The following FRZB variants were observed in gnomAD, a reference collection of about 807,000 sequenced individuals.
The protein encoded by FRZB is secreted frizzled-related protein 3.
A neutral mutation model predicts 32.5 loss-of-function variants in FRZB; 34 were observed. That is an observed-to-expected ratio of 1.05 (90% CI 0.80 to 1.39). The LOEUF (loss-of-function observed/expected upper bound fraction) is 1.39, where lower values mean the gene tolerates loss of function less well. Among genes scored for constraint, FRZB ranks in the 40% most tolerant of loss-of-function variants. The probability of loss-of-function intolerance (pLI) is 0.00; values close to 1 mark genes in which losing one functional copy is unlikely to be tolerated. For missense variants in FRZB, 423 were observed against 424.8 expected, an observed-to-expected ratio of 1.00 and a Z score of 0.04; for synonymous variants, 170 against 159.2, an observed-to-expected ratio of 1.07 and a Z score of -0.51.
chr2:182,844,525 A>G (rs775977048), intron 2 of FRZB, among the ~76,000 whole-genome samples: 6 of 152,208 alleles, frequency 3.9e-5, no homozygotes, highest in Non-Finnish European at 5.9e-5. Context: ...TTAAAAATAA[A>G]TATCTATCAA....
At chr2:182,841,896 A>G (rs1484041465) in intron 3 of FRZB, among the ~76,000 whole-genome samples, 1 of 152,192 alleles carries the variant, frequency 6.6e-6, no homozygotes, top group African/African-American at 2.4e-5. Context: ...TAAGTTTGTC[A>G]GCTACATTTG....
intron 1 of FRZB, among the ~76,000 whole-genome samples, chr2:182,864,156 C>T (rs988785963): frequency 2.6e-5 from 4 of 152,198 alleles, no homozygotes; most frequent in African/African-American, 9.7e-5. Context: ...ATGTTTGTTC[C>T]ACAGTGATTG....
chr2:182,840,264 C>T (rs1180244487), intron 3 of FRZB, among the ~76,000 whole-genome samples: 1 of 152,076 alleles, frequency 6.6e-6, no homozygotes, highest in African/African-American at 2.4e-5. Flanking sequence ...AAATTCACAA[C>T]CCCAGCTAGC....
intron 5 of FRZB, 94 bp from the exon 6 acceptor site, chr2:182,835,059 A>C (rs1401732398): frequency 9.8e-5 from 86 of 879,284 alleles, no homozygotes; most frequent in Non-Finnish European, 5.6e-6. Context: ...GCAAGTTCAG[A>C]TCTCTGAAGC....
At chr2:182,846,638 CT>C (rs2105756262) in intron 2 of FRZB, among the ~76,000 whole-genome samples, 1 of 152,280 alleles carries the variant, frequency 6.6e-6, no homozygotes, top group African/African-American at 2.4e-5. Flanking sequence ...CATTTGACCC[CT>C]GAATCCCAAT....
intron 2 of FRZB, among the ~76,000 whole-genome samples, chr2:182,851,135 C>T (rs1695705475): frequency 6.6e-6 from 1 of 152,112 alleles, no homozygotes; most frequent in Non-Finnish European, 1.5e-5. Context: ...AAGCTCTTGC[C>T]AGATACTTTG....
At chr2:182,856,559 C>T (rs1049683040) in intron 2 of FRZB, among the ~76,000 whole-genome samples, 1 of 151,918 alleles carries the variant, frequency 6.6e-6, no homozygotes, top group Admixed American at 6.6e-5. Flanking sequence ...AAAGACCCAA[C>T]TATATGATGT....
rs534510716 is a variant in FRZB at position 182,859,188 on chromosome 2, CA to C, written c.479-356del. Among the ~76,000 whole-genome samples, 534 of 147,062 alleles carry C rather than the reference CA, an allele frequency of 3.6e-3. 4 individuals carry two copies. Among genetic ancestry groups the C allele is most frequent in the African/African-American group, 0.012 (489 of 40,284 alleles). ...TCATCCAACACTTATGACTTGATGA[CA>C]AAAAAAAAACCAAACGCATCTTCAA... On this transcript the variant is annotated intron_variant, in intron 1 of 5. Transcript: ENST00000295113.
intron 2 of FRZB, among the ~76,000 whole-genome samples, chr2:182,856,395 T>C (rs1169109823): frequency 6.6e-6 from 1 of 151,284 alleles, no homozygotes; most frequent in African/African-American, 2.4e-5. Flanking sequence ...AGAGATACAA[T>C]CCAAAAGAAA....
At chr2:182,837,316 A>G (rs955341000) in intron 5 of FRZB, among the ~76,000 whole-genome samples, 1 of 152,028 alleles carries the variant, frequency 6.6e-6, no homozygotes, top group African/African-American at 2.4e-5. Context: ...TCTCTTCTAT[A>G]CAGATGAATG....
At chr2:182,836,917 A>G (rs562380053) in intron 5 of FRZB, among the ~76,000 whole-genome samples, 2 of 152,114 alleles carry the variant, frequency 1.3e-5, no homozygotes, top group South Asian at 4.1e-4. Flanking sequence ...TGCCCTCTAC[A>G]TTTTTGTAGG....
intron 3 of FRZB, among the ~76,000 whole-genome samples, chr2:182,839,855 T>C (rs3768842): frequency 0.24 from 36,516 of 151,960 alleles, 5,002 homozygotes; most frequent in East Asian, 0.45. Context: ...CTTAGGCACA[T>C]AATTGCAAAC....
chr2:182,856,898 G>T lies in FRZB; in HGVS notation c.526+1888C>A, dbSNP rs925813745. On this transcript the variant is annotated intron_variant, in intron 2 of 5. Coordinates refer to ENST00000295113, the MANE Select transcript of FRZB (RefSeq NM_001463.4). Reference sequence around the variant, plus strand: ...ATCACCCTTCTCTCGGTAATCAATAGATCTAGTAGACAGAAAATCAGCAAG... The same window carrying T: ...ATCACCCTTCTCTCGGTAATCAATATATCTAGTAGACAGAAAATCAGCAAG... Among the ~76,000 whole-genome samples the T allele has an allele frequency of 9.2e-5, 14 of 151,836 alleles. No individual in the cohort carries two copies. The South Asian group carries it at 1.7e-3, about 18-fold the overall frequency.
intron 2 of FRZB, among the ~76,000 whole-genome samples, chr2:182,856,275 C>G (rs1199443872): frequency 6.6e-6 from 1 of 151,816 alleles, no homozygotes; most frequent in African/African-American, 2.4e-5. Context: ...GGCTACTATT[C>G]TCCTCAAGTT....
intron 5 of FRZB, among the ~76,000 whole-genome samples, chr2:182,835,721 T>C (rs1695517779): frequency 6.6e-6 from 1 of 152,112 alleles, no homozygotes; most frequent in Non-Finnish European, 1.5e-5. Flanking sequence ...TATGGGGAAT[T>C]TGTTAAAATT....
Position 182,834,800 on chromosome 2 carries a change from A to G in FRZB, c.*49T>C. On this transcript the variant is annotated 3_prime_UTR_variant, in exon 6 of 6. Coordinates refer to ENST00000295113, the MANE Select transcript of FRZB (RefSeq NM_001463.4). The stretch of plus-strand genomic sequence containing the variant: ...TTTCCTTTGCTAGTCCAGCAATGCA[A>G]GTAAGTCTTAATAGGAAGTCCACTG... 2.3e-6 allele frequency: 3 copies of G among 1,309,036 alleles called. No homozygotes were observed. The highest frequency in any genetic ancestry group is 3.3e-6 in the Non-Finnish European group (3 of 902,398). The allele number at this position is 1,309,036 out of a possible 1,614,324, so 81.1% of individuals were successfully genotyped here.
intron 5 of FRZB, among the ~76,000 whole-genome samples, chr2:182,836,413 A>C (rs1365812211): frequency 6.6e-6 from 1 of 152,110 alleles, no homozygotes; most frequent in South Asian, 2.1e-4. Context: ...ATATGAATTT[A>C]AAATTGTTCA....
intron 4 of FRZB, 102 bp downstream of exon 4, chr2:182,838,307 C>T (rs1695549506): frequency 1.0e-6 from 1 of 983,948 alleles, no homozygotes; most frequent in Non-Finnish European, 1.5e-6. Flanking sequence ...AGAAGGTAGA[C>T]AGATCCCAAT....
At chr2:182,858,613 A>G (rs1057433370) in intron 2 of FRZB, among the ~76,000 whole-genome samples, 173 bp downstream of exon 2, 3 of 152,148 alleles carry the variant, frequency 2.0e-5, no homozygotes, top group Non-Finnish European at 4.4e-5. Context: ...ATAAAAGTCC[A>G]ATTTTACTAC....
Sources: allele counts gnomAD v4.1 joint callset (sites outside exome capture counted in the v4.1 genomes callset), GRCh38; gene constraint gnomAD v4.1.1; transcripts MANE v1.5; gene names NCBI Gene and HGNC (gene_info 2026-07-23, HGNC 2026-07-21).